Variants in ALS2 observed in about 807,000 individuals in gnomAD.
The protein encoded by ALS2 is alsin.
Under a neutral mutation model 203.4 loss-of-function variants are expected in ALS2, and 117 were observed. That is an observed-to-expected ratio of 0.58 (90% CI 0.50 to 0.67). The LOEUF (loss-of-function observed/expected upper bound fraction) is 0.67. Ranked by LOEUF, ALS2 falls within the 30% of genes least tolerant of loss-of-function variation. ALS2 has a pLI of 0.00. For missense variants in ALS2, 1,715 were observed against 1,989.4 expected (o/e 0.86, Z 2.62); for synonymous variants, 718 against 725.9 (o/e 0.99, Z 0.17).
At chr2:201,751,493 T>G (rs1391370866) in intron 7 of ALS2, among the ~76,000 whole-genome samples, 1 of 152,210 alleles carries the variant, frequency 6.6e-6, no homozygotes, top group Non-Finnish European at 1.5e-5. Flanking sequence ...ACTTCTTTTA[T>G]GACGAAAATA....
intron 8 of ALS2, among the ~76,000 whole-genome samples, chr2:201,747,670 C>T (rs563842390): frequency 8.5e-5 from 13 of 152,166 alleles, no homozygotes; most frequent in African/African-American, 2.9e-4. Flanking sequence ...AGGATGGTCT[C>T]GGTCTCCTGA....
At chr2:201,743,055 A>G (rs1692386579) in intron 10 of ALS2, among the ~76,000 whole-genome samples, 2 of 143,630 alleles carry the variant, frequency 1.4e-5, no homozygotes, top group African/African-American at 5.0e-5. Context: ...TGGGTGACAG[A>G]GCAAGACTCT....
intron 26 of ALS2, 53 bp downstream of exon 26, chr2:201,710,938 T>C (rs1314432510): frequency 2.8e-5 from 29 of 1,049,024 alleles, no homozygotes; most frequent in Non-Finnish European, 3.6e-5. Context: ...TGATATATTG[T>C]GGTAGGTGAA....
At chr2:201,779,391 G>T (rs1574818596) in intron 1 of ALS2, among the ~76,000 whole-genome samples, 1 of 152,248 alleles carries the variant, frequency 6.6e-6, no homozygotes, top group Non-Finnish European at 1.5e-5. Flanking sequence ...ACTGGTCATA[G>T]TTTAGAAACT....
Position 201,759,387 on chromosome 2 carries a change from G to A in ALS2, c.1113+1494C>T, listed in dbSNP as rs537016015. 7 of 954,850 alleles carry A rather than the reference G, an allele frequency of 7.3e-6. No individual in the cohort carries two copies. In the East Asian group the frequency reaches 6.9e-4, roughly 94 times the overall value. 59.1% of individuals were successfully genotyped at this position (954,850 alleles called of 1,614,324 possible). ...TTGCCCTAAAACAAATAAATTCCTT[G>A]TGAATTAGCTGTATGATTGAGATGT... On this transcript the variant is annotated intron_variant, in intron 4 of 33. Coordinates refer to ENST00000264276, the MANE Select transcript of ALS2 (RefSeq NM_020919.4).
In ALS2 at chr2:201,707,981, G is replaced by A. The variant is rs773196767; in HGVS notation, c.4291C>T (p.Pro1431Ser). 20 of 1,612,438 alleles carry A rather than the reference G, an allele frequency of 1.2e-5. No homozygotes were observed. Among genetic ancestry groups the A allele is most frequent in the Middle Eastern group, 1.6e-4 (1 of 6,072 alleles). The change falls in exon 28 of 34, where the codon CCT becomes TCT. Residue 1431 changes from proline (P) to serine (S), a missense_variant. Physicochemically the swap from Pro to Ser is moderately conservative, Grantham distance 74. This residue lies in a region of ALS2 where 1,227 missense variants were observed against 1,413.5 expected (regional missense o/e 0.87). Coordinates refer to ENST00000264276, the MANE Select transcript of ALS2 (RefSeq NM_020919.4). ...RIFQLVRFLF[P>S]ELPEEGSTIP... The stretch of plus-strand genomic sequence containing the variant: ...GTGCTGCCTTCTTCAGGCAGCTCAG[G>A]AAATAAGAACCTAAGGAAGAATAAA...
intron 2 of ALS2, among the ~76,000 whole-genome samples, chr2:201,768,482 A>G (rs997893010): frequency 6.6e-6 from 1 of 152,224 alleles, no homozygotes; most frequent in East Asian, 1.9e-4. Context: ...CCCTTAAATT[A>G]TAACTGGACA....
At position 201,767,302 on chromosome 2, in the gene ALS2, T is replaced by C. The variant is rs770933764; in HGVS notation, c.102A>G (p.Arg34=). 1 of 1,613,866 alleles carries C rather than the reference T, an allele frequency of 6.2e-7. No homozygotes were observed. ...CAGTCTTTCCTCCCCAGCCTGGCAA[T>C]CTCTCTGGTGTTATGGGAAAGGATC... The part of the protein sequence containing the change: ...QAGSFPITPE[R]LPGWGGKTVL... Residue 34 remains arginine (R), a synonymous_variant, in exon 3 of 34, where the codon AGA becomes AGG. Transcript: ENST00000264276.
chr2:201,764,751 C>A lies in ALS2; in HGVS notation c.175+2478G>T, dbSNP rs559563387. On this transcript the variant is annotated intron_variant, in intron 3 of 33. Transcript: ENST00000264276. ...GGTCATATTTAATAGAGATGAAGAA[C>A]CTTGAAAATTTCTAGCACTCAACCA... 5.9e-4 allele frequency among the ~76,000 whole-genome samples: 90 copies of A among 151,970 alleles called. 1 individual carries two copies. The highest frequency in any genetic ancestry group is 1.0e-3 in the South Asian group (5 of 4,826).
At chr2:201,744,753 C>T (rs1359725545) in intron 9 of ALS2, among the ~76,000 whole-genome samples, 1 of 151,704 alleles carries the variant, frequency 6.6e-6, no homozygotes, top group Non-Finnish European at 1.5e-5. Flanking sequence ...AGATACCTTT[C>T]ATTTCACATT....
chr2:201,715,911 C>T, intron 24 of ALS2, 72 bp from the exon 25 acceptor site: 1 of 1,562,026 alleles, frequency 6.4e-7, no homozygotes, highest in South Asian at 1.1e-5. Context: ...CAGAAACTTT[C>T]TAACATACAA....
At position 201,757,536 on chromosome 2, in the gene ALS2, A is replaced by C. The variant is rs780461834; in HGVS notation, c.1337T>G (p.Leu446Trp). The stretch of plus-strand genomic sequence containing the variant: ...AACCTGTTCTTCCCTGCTATCTTTC[A>C]AACCTTCGGGGCCAATGGCACTACT... ...AGSSAIGPEG[L>W]KDSREEQVKQ... is the part of the protein sequence containing the mutation. The change falls in exon 5 of 34, where the codon TTG (leucine) becomes TGG (tryptophan). Residue 446 changes from leucine (L) to tryptophan (W), a missense_variant. Leu to Trp is a moderately conservative substitution (Grantham distance 61). This residue lies in a region of ALS2 where 476 missense variants were observed against 539.3 expected (regional missense o/e 0.88). Coordinates refer to ENST00000264276, the MANE Select transcript of ALS2 (RefSeq NM_020919.4). The C allele has an allele frequency of 3.1e-6, 5 of 1,614,108 alleles. No homozygotes were observed. In the Admixed American group the frequency reaches 8.3e-5, roughly 27 times the overall value.
intron 1 of ALS2, among the ~76,000 whole-genome samples, chr2:201,774,772 G>A (rs942914558): frequency 6.6e-6 from 1 of 151,966 alleles, no homozygotes; most frequent in Admixed American, 6.5e-5. Context: ...TATGTTCCAG[G>A]TATTATGCTA....
At chr2:201,720,104 C>T (rs1690671462) in intron 23 of ALS2, 1 of 422,702 alleles carries the variant, frequency 2.4e-6, no homozygotes, top group African/African-American at 2.1e-5. Context: ...CACTTCCCAA[C>T]TTGTTCTATG....
chr2:201,756,640 G>A (rs994510006), intron 5 of ALS2, among the ~76,000 whole-genome samples: 8 of 152,218 alleles, frequency 5.3e-5, no homozygotes, highest in African/African-American at 9.6e-5. Context: ...TAACCACAGC[G>A]TAGCTGAGTA....
chr2:201,768,824 G>GT (rs1694233039), intron 2 of ALS2, 42 bp downstream of exon 2: 2 of 1,598,396 alleles, frequency 1.3e-6, no homozygotes. Context: ...TGTTTGCTAT[G>GT]TTTTCCTAGG....
chr2:201,741,637 T>C, intron 11 of ALS2, 37 bp downstream of exon 11: 2 of 1,600,056 alleles, frequency 1.2e-6, no homozygotes, highest in Non-Finnish European at 1.7e-6. Flanking sequence ...AGAATAACCC[T>C]GCAGAGATTG....
rs373846315 is a variant in ALS2 at position 201,728,529 on chromosome 2, C to A, written c.2824G>T (p.Ala942Ser). 6.2e-7 allele frequency: 1 copy of A among 1,613,992 alleles called. No individual in the cohort carries two copies. ...CAGCCTACCTGGGCATGGACCAGGGCATCATTAAAGAGAATGAACCAATTC... is the reference window on the plus strand; with the variant it reads ...CAGCCTACCTGGGCATGGACCAGGGAATCATTAAAGAGAATGAACCAATTC... ...SVNWFILFNDALVHAQFSTHH... is the reference protein window; with the variant it reads ...SVNWFILFNDSLVHAQFSTHH... Residue 942 changes from alanine to serine, a missense_variant, in exon 15 of 34, where the codon GCC becomes TCC. This residue lies in a region of ALS2 where 1,227 missense variants were observed against 1,413.5 expected (regional missense o/e 0.87). Coordinates refer to ENST00000264276, the MANE Select transcript of ALS2 (RefSeq NM_020919.4).
At chr2:201,761,975 T>A (rs1693798179) in intron 3 of ALS2, among the ~76,000 whole-genome samples, 157 bp from the exon 4 acceptor site, 1 of 152,250 alleles carries the variant, frequency 6.6e-6, no homozygotes, top group Admixed American at 6.5e-5. Flanking sequence ...AAGCACACAG[T>A]ATTTCACATT....
Sources: gnomAD v4.1 joint callset for allele counts (sites outside exome capture counted in the v4.1 genomes callset) on GRCh38, gnomAD v4.1.1 for gene constraint, gnomAD v4.1.1 regional missense constraint, MANE v1.5 for transcripts, NCBI Gene and HGNC (gene_info 2026-07-23, HGNC 2026-07-21) for gene names.